The following TMEM87A variants were observed in gnomAD, a reference collection of about 807,000 sequenced individuals.
TMEM87A encodes Golgi-pH regulating cation channel.
TMEM87A carries 50 observed loss-of-function variants against 90.0 expected under a neutral mutation model. That is an observed-to-expected ratio of 0.56 (90% confidence interval 0.44 to 0.70). TMEM87A has a LOEUF of 0.70. TMEM87A is among the 30% of genes least tolerant of loss of function. The probability of loss-of-function intolerance (pLI) is 0.00; values close to 1 mark genes in which losing one functional copy is unlikely to be tolerated. For missense variants in TMEM87A, 577 were observed against 660.5 expected (o/e 0.87, Z 1.39); for synonymous variants, 226 against 226.7 (o/e 1.00, Z 0.03).
At chr15:42,232,133 G>T (rs2050695752) in intron 11 of TMEM87A, among the ~76,000 whole-genome samples, 7 of 152,188 alleles carry the variant, frequency 4.6e-5, no homozygotes, top group Admixed American at 2.6e-4. Context: ...CTAATAGGTT[G>T]CTGTGGAGTC....
intron 15 of TMEM87A, among the ~76,000 whole-genome samples, chr15:42,221,621 G>C (rs2050487045): frequency 6.6e-6 from 1 of 152,088 alleles, no homozygotes; most frequent in Admixed American, 6.5e-5. Flanking sequence ...AGTAGTCTCA[G>C]CTACTGAGGA....
At chr15:42,247,754 T>C (rs982379243) in intron 6 of TMEM87A, among the ~76,000 whole-genome samples, 2 of 152,186 alleles carry the variant, frequency 1.3e-5, no homozygotes, top group Non-Finnish European at 2.9e-5. Flanking sequence ...TGCTTAGGAT[T>C]GTCTTGGCAA....
At chr15:42,265,639 C>T (rs1318930320) in intron 3 of TMEM87A, among the ~76,000 whole-genome samples, 3 of 152,084 alleles carry the variant, frequency 2.0e-5, no homozygotes, top group Non-Finnish European at 2.9e-5. Context: ...ATATTTTCTC[C>T]CATTCTGTAG....
At chr15:42,260,853 T>G in intron 6 of TMEM87A, 105 bp downstream of exon 6, 1 of 1,292,746 alleles carries the variant, frequency 7.7e-7, no homozygotes, top group South Asian at 1.4e-5. Flanking sequence ...CAGATTTAAC[T>G]TTCTTTTCAA....
At position 42,233,429 on chromosome 15, in the gene TMEM87A, G is replaced by T. The variant is rs1178110793; in HGVS notation, c.969-123C>A. On this transcript the variant is annotated intron_variant, in intron 10 of 19. Transcript: ENST00000389834. ...TTAAAGCAATAAATAATATACACTT[G>T]ATTCACCTAAGAGAAAAAAACTAAG... 4.6e-6 allele frequency: 3 copies of T among 656,012 alleles called. No individual in the cohort carries two copies. The African/African-American group carries it at 5.4e-5, about 12-fold the overall frequency. 40.6% of individuals were successfully genotyped at this position (656,012 alleles called of 1,614,324 possible). A position where few individuals can be genotyped will look rare whatever the true frequency, so the allele number is the denominator to read the frequency against.
At chr15:42,251,191 C>T (rs2051078284) in intron 6 of TMEM87A, among the ~76,000 whole-genome samples, 1 of 152,158 alleles carries the variant, frequency 6.6e-6, no homozygotes, top group Non-Finnish European at 1.5e-5. Flanking sequence ...TGAACATCCT[C>T]CTTTAGCTCA....
intron 12 of TMEM87A, 44 bp downstream of exon 12, chr15:42,231,148 G>C (rs766692182): frequency 6.5e-6 from 10 of 1,539,606 alleles, no homozygotes; most frequent in Non-Finnish European, 8.8e-6. Context: ...CCATCTCAAG[G>C]GGAGAAAATG....
At chr15:42,226,405 T>C (rs905399427) in intron 15 of TMEM87A, among the ~76,000 whole-genome samples, 1 of 151,842 alleles carries the variant, frequency 6.6e-6, no homozygotes, top group African/African-American at 2.4e-5. Context: ...GACTACAGAA[T>C]AGTGTAAACA....
Position 42,244,031 on chromosome 15 carries a change from A to C in TMEM87A, c.622+19T>G. 2 of 1,477,442 alleles carry C rather than the reference A, an allele frequency of 1.4e-6. No homozygotes were observed. The highest frequency in any genetic ancestry group is 1.8e-6 in the Non-Finnish European group (2 of 1,092,562). The allele number at this position is 1,477,442 out of a possible 1,614,324, so 91.5% of individuals were successfully genotyped here. A position where few individuals can be genotyped will look rare whatever the true frequency, so the allele number is the denominator to read the frequency against. Reference sequence around the variant, plus strand: ...TAACCAGATAATAACATAACCATTAAAAAAAAAACTGAACTTACTGGTAAA... The same window carrying C: ...TAACCAGATAATAACATAACCATTACAAAAAAAACTGAACTTACTGGTAAA... On this transcript the variant is annotated intron_variant, in intron 7 of 19. Coordinates refer to ENST00000389834, the MANE Select transcript of TMEM87A (RefSeq NM_015497.5).
At chr15:42,223,263 C>T (rs546596399) in intron 15 of TMEM87A, among the ~76,000 whole-genome samples, 3 of 152,222 alleles carry the variant, frequency 2.0e-5, no homozygotes, top group South Asian at 4.1e-4. Flanking sequence ...TGTGGTGGTG[C>T]ACACCGGTGG....
intron 19 of TMEM87A, among the ~76,000 whole-genome samples, chr15:42,215,809 A>G (rs886332796): frequency 6.6e-6 from 1 of 152,220 alleles, no homozygotes; most frequent in African/African-American, 2.4e-5. Flanking sequence ...TGGTGCAATC[A>G]CTATGGAAAA....
intron 17 of TMEM87A, among the ~76,000 whole-genome samples, chr15:42,218,644 T>C (rs146011560): frequency 3.0e-4 from 46 of 152,364 alleles, no homozygotes; most frequent in African/African-American, 1.1e-3. Context: ...AGATTCGACG[T>C]AAGTGAGATC....
Position 42,211,441 on chromosome 15 carries a change from A to C in TMEM87A, c.*267T>G. 2.7e-6 allele frequency: 1 copy of C among 367,568 alleles called. No homozygotes were observed. Among genetic ancestry groups the C allele is most frequent in the Non-Finnish European group, 4.9e-6 (1 of 202,928 alleles). The allele number at this position is 367,568 out of a possible 1,614,324, so 22.8% of individuals were successfully genotyped here. A position where few individuals can be genotyped will look rare whatever the true frequency, so the allele number is the denominator to read the frequency against. On this transcript the variant is annotated 3_prime_UTR_variant, in exon 20 of 20. Transcript: ENST00000389834. ...TTCAGGAACAACACACTTAAGTTGC[A>C]TGAACATCCATGTCAGAGTCTGGGA...
intron 6 of TMEM87A, chr15:42,257,897 C>T (rs1359921846): frequency 3.9e-5 from 38 of 983,734 alleles, no homozygotes; most frequent in Non-Finnish European, 4.5e-5. Context: ...GGTTAATATG[C>T]ATGTGCTCTG....
chr15:42,263,472 C>T (rs958889489), intron 4 of TMEM87A, among the ~76,000 whole-genome samples: 1 of 152,102 alleles, frequency 6.6e-6, no homozygotes, highest in Non-Finnish European at 1.5e-5. Context: ...GGGCTCAGCC[C>T]GGTGGCTCAC....
chr15:42,214,154 T>G (rs551312512), intron 19 of TMEM87A, among the ~76,000 whole-genome samples: 32 of 152,066 alleles, frequency 2.1e-4, no homozygotes, highest in African/African-American at 7.7e-4. Context: ...TGGTAAGACC[T>G]ACAACAAGAT....
intron 19 of TMEM87A, among the ~76,000 whole-genome samples, 160 bp from the exon 20 acceptor site, chr15:42,211,909 T>C (rs1197673086): frequency 6.6e-6 from 1 of 152,212 alleles, no homozygotes; most frequent in African/African-American, 2.4e-5. Flanking sequence ...ATTTTGAACA[T>C]ACAGATGTCC....
chr15:42,245,720 C>A (rs1049347550), intron 6 of TMEM87A, among the ~76,000 whole-genome samples: 2 of 150,990 alleles, frequency 1.3e-5, no homozygotes, highest in African/African-American at 4.9e-5. Context: ...TTGGTAGAGA[C>A]GGGGTTTCGC....
chr15:42,228,619 A>C, intron 13 of TMEM87A, 93 bp downstream of exon 13: 1 of 1,044,462 alleles, frequency 9.6e-7, no homozygotes, highest in Non-Finnish European at 1.5e-6. Flanking sequence ...GAAATATACA[A>C]AACTTTCTAT....
Sources: allele counts gnomAD v4.1 joint callset (sites outside exome capture counted in the v4.1 genomes callset), GRCh38; gene constraint gnomAD v4.1.1; transcripts MANE v1.5; gene names NCBI Gene and HGNC (gene_info 2026-07-23, HGNC 2026-07-21).